CRTAC1: variants seen among roughly 807,000 people sequenced by gnomAD.
CRTAC1 encodes the protein cartilage acidic protein 1, also known as acidic secreted protein in cartilage.
In CRTAC1, 37 loss-of-function variants were observed where a neutral mutation model predicts 67.8. The ratio of observed to expected loss-of-function variants is 0.55; its 90% CI spans 0.42 to 0.72. CRTAC1 has a LOEUF of 0.72. Ranked by LOEUF, CRTAC1 falls within the 30% of genes least tolerant of loss-of-function variation. The pLI is 0.00. For missense variants in CRTAC1, 780 were observed against 931.6 expected (o/e 0.84, Z 2.12); for synonymous variants, 348 against 371.0 (o/e 0.94, Z 0.71).
rs776867793 is a variant in CRTAC1, at chr10:98,011,330, C to T, written c.32G>A (p.Arg11Lys). 1 of 1,613,674 alleles carries T rather than the reference C, an allele frequency of 6.2e-7. No homozygotes were observed. Among genetic ancestry groups the T allele is most frequent in the Non-Finnish European group, 8.5e-7 (1 of 1,180,026 alleles). The change falls in exon 2 of 15, where the codon AGG becomes AAG. Residue 11 changes from arginine to lysine, a missense_variant. By Grantham distance (26) the Arg-to-Lys change is conservative. Coordinates refer to ENST00000370597, the MANE Select transcript of CRTAC1 (RefSeq NM_018058.7). MAPSADPGMS[R>K]MLPFLLLLWF... ...GAGCAGCAGCAGGAACGGTAACATC[C>T]TGGACATCTGAAACCAAAAGTGACA...
At chr10:97,919,829 G>A (rs188026961) in intron 4 of CRTAC1, among the ~76,000 whole-genome samples, 2 of 133,180 alleles carry the variant, frequency 1.5e-5, no homozygotes, top group Non-Finnish European at 3.1e-5. Context: ...CTGCAGCTTC[G>A]ACTGGGTTCA....
At chr10:97,987,599 C>T (rs1175549006) in intron 2 of CRTAC1, among the ~76,000 whole-genome samples, 3 of 152,348 alleles carry the variant, frequency 2.0e-5, no homozygotes, top group Middle Eastern at 3.4e-3. Flanking sequence ...CTGTGAGCGG[C>T]GTTTATGTGC....
intron 11 of CRTAC1, among the ~76,000 whole-genome samples, chr10:97,890,672 T>C (rs2050356947): frequency 6.8e-6 from 1 of 147,754 alleles, no homozygotes; most frequent in African/African-American, 2.5e-5. Context: ...TTTTCTTTCT[T>C]TTTTTTTTTT....
chr10:98,016,192 C>CT (rs1842992918), intron 1 of CRTAC1, among the ~76,000 whole-genome samples: 2 of 152,140 alleles, frequency 1.3e-5, no homozygotes, highest in African/African-American at 2.4e-5. Flanking sequence ...GGACAGCTCC[C>CT]ATCAAAGGGC....
rs923378943 is a variant in CRTAC1 at position 97,989,257 on chromosome 10, ATC to A, written c.224+21879_224+21880del. ...CCGATTCCTCATAATAAATAAATCAATCTCTCTCTCTCTCCCCCCACCCAACG... is the reference window on the plus strand; with the variant it reads ...CCGATTCCTCATAATAAATAAATCAATCTCTCTCTCTCCCCCCACCCAACG... On this transcript the variant is annotated intron_variant, in intron 2 of 14. Transcript: ENST00000370597. Among the ~76,000 whole-genome samples the A allele has an allele frequency of 2.1e-4, 32 of 151,174 alleles. 2 individuals are homozygous for A. The highest frequency in any genetic ancestry group is 1.8e-3 in the Admixed American group (28 of 15,184).
chr10:98,027,533 G>A (rs898986154), intron 1 of CRTAC1, among the ~76,000 whole-genome samples: 2 of 152,196 alleles, frequency 1.3e-5, no homozygotes, highest in Non-Finnish European at 2.9e-5. Context: ...CAAGACCACA[G>A]TGAGGGACTC....
chr10:97,959,065 A>G (rs1312831200), intron 2 of CRTAC1, among the ~76,000 whole-genome samples: 1 of 152,172 alleles, frequency 6.6e-6, no homozygotes, highest in East Asian at 1.9e-4. Flanking sequence ...CTGTGGGACA[A>G]GCCAGCCTTT....
At chr10:98,028,835 T>TG (rs1286056918) in intron 1 of CRTAC1, among the ~76,000 whole-genome samples, 1 of 152,138 alleles carries the variant, frequency 6.6e-6, no homozygotes, top group South Asian at 2.1e-4. Flanking sequence ...CCTAGGAGTT[T>TG]GAACATCCAC....
At chr10:97,898,493 C>A (rs2050491755) in intron 8 of CRTAC1, among the ~76,000 whole-genome samples, 1 of 152,182 alleles carries the variant, frequency 6.6e-6, no homozygotes, top group Non-Finnish European at 1.5e-5. Context: ...CCTGGCATAG[C>A]CCAGAACTGA....
intron 2 of CRTAC1, among the ~76,000 whole-genome samples, chr10:98,010,579 T>C (rs1842885776): frequency 6.6e-6 from 1 of 152,186 alleles, no homozygotes. Context: ...CAACCCAATG[T>C]TGGTTTTCAG....
intron 14 of CRTAC1, among the ~76,000 whole-genome samples, chr10:97,872,095 T>C (rs1564871109): frequency 1.3e-5 from 2 of 152,082 alleles, no homozygotes; most frequent in South Asian, 2.1e-4. Flanking sequence ...GCAGGGAGCC[T>C]GTCTTACTCA....
intron 4 of CRTAC1, among the ~76,000 whole-genome samples, chr10:97,918,855 C>T (rs2050796842): frequency 6.8e-6 from 1 of 147,624 alleles, no homozygotes; most frequent in African/African-American, 2.5e-5. Context: ...GTGATCTCGG[C>T]TCACTGCAGC....
At chr10:97,950,961 A>T (rs1263173074) in intron 2 of CRTAC1, among the ~76,000 whole-genome samples, 1 of 152,186 alleles carries the variant, frequency 6.6e-6, no homozygotes, top group Non-Finnish European at 1.5e-5. Context: ...TGGAGCAGCA[A>T]CTGAGAAGCT....
At position 97,895,158 on chromosome 10, in the gene CRTAC1, G is replaced by A. The variant is rs1046207980; in HGVS notation, c.1486+87C>T. On this transcript the variant is annotated intron_variant, in intron 11 of 14. Transcript: ENST00000370597. The surrounding 1 kb of genome is among the most constrained non-coding windows in gnomAD (Gnocchi z 4.2). ...CATGGCTGTCACAGTAGAGCGGAGCGGTGCCCAAGGATGCTCGGGCTGTGA... is the reference window on the plus strand; with the variant it reads ...CATGGCTGTCACAGTAGAGCGGAGCAGTGCCCAAGGATGCTCGGGCTGTGA... The A allele has an allele frequency of 9.1e-5, 121 of 1,326,272 alleles. No homozygotes were observed. Among genetic ancestry groups the A allele is most frequent in the Non-Finnish European group, 1.2e-4 (115 of 951,096 alleles). 82.2% of individuals were successfully genotyped at this position (1,326,272 alleles called of 1,614,324 possible).
chr10:97,987,769 G>A (rs2136669582), intron 2 of CRTAC1, among the ~76,000 whole-genome samples: 1 of 152,316 alleles, frequency 6.6e-6, no homozygotes, highest in South Asian at 2.1e-4. Context: ...AATACACATA[G>A]GTGCTCAATA....
rs771351655 is a variant in CRTAC1, at chr10:98,002,761, C to CTGTTTTTTTTTTT, written c.224+8376_224+8377insAAAAAAAAAAACA. ...TTTTAGGAATTCTTTACAAAACTCA[C>CTGTTTTTTTTTTT]TTTTTTTTTTTTTTTTTTTTTTTTT... On this transcript the variant is annotated intron_variant, in intron 2 of 14. Coordinates refer to ENST00000370597, the MANE Select transcript of CRTAC1 (RefSeq NM_018058.7). 2.1e-4 allele frequency among the ~76,000 whole-genome samples: 8 copies of CTGTTTTTTTTTTT among 37,268 alleles called. 1 individual carries two copies. The highest frequency in any genetic ancestry group is 4.0e-4 in the African/African-American group (5 of 12,462). The allele number at this position is 37,268 out of a possible 152,430, so 24.4% of individuals were successfully genotyped here. A position where few individuals can be genotyped will look rare whatever the true frequency, so the allele number is the denominator to read the frequency against.
At position 97,895,392 on chromosome 10, in the gene CRTAC1, G is replaced by T. The variant is rs776273208; in HGVS notation, c.1339C>A (p.Arg447=). The T allele has an allele frequency of 8.8e-5, 141 of 1,607,754 alleles. No homozygotes were observed. The highest frequency in any genetic ancestry group is 1.2e-4 in the Non-Finnish European group (140 of 1,177,392). Reference sequence around the variant, plus strand: ...CCAAACCGGGTGCGTGGCACCACTCGCAGCCAGTTGTTGTTGAAGCCCTGC... The same window carrying T: ...CCAAACCGGGTGCGTGGCACCACTCTCAGCCAGTTGTTGTTGAAGCCCTGC... ...GNQGFNNNWL[R]VVPRTRFGAF... The change falls in exon 11 of 15, where the codon CGA becomes AGA. Residue 447 remains arginine, a synonymous_variant. Transcript: ENST00000370597. The surrounding 1 kb of genome is among the most constrained non-coding windows in gnomAD (Gnocchi z 4.2).
At chr10:97,934,544 G>A (rs927857973) in intron 3 of CRTAC1, among the ~76,000 whole-genome samples, 1 of 152,184 alleles carries the variant, frequency 6.6e-6, no homozygotes, top group African/African-American at 2.4e-5. Flanking sequence ...CAACATCAGG[G>A]GCAGTCTAGG....
intron 2 of CRTAC1, among the ~76,000 whole-genome samples, chr10:97,956,081 T>C (rs2051435541): frequency 6.6e-6 from 1 of 152,180 alleles, no homozygotes; most frequent in African/African-American, 2.4e-5. Context: ...AGGCCTACGA[T>C]TACAGTTGCT....
Sources: allele counts gnomAD v4.1 joint callset (sites outside exome capture counted in the v4.1 genomes callset), GRCh38; gene constraint gnomAD v4.1.1; non-coding constraint Gnocchi (gnomAD v3.1); transcripts MANE v1.5; gene names NCBI Gene and HGNC (gene_info 2026-07-23, HGNC 2026-07-21).